XKR6: variants seen among roughly 807,000 people sequenced by gnomAD.
XKR6 encodes the protein XK-related protein 6.
Under a neutral mutation model 56.7 loss-of-function variants are expected in XKR6, and 22 were observed. The ratio of observed to expected loss-of-function variants is 0.39; its 90% CI spans 0.28 to 0.55. The LOEUF (loss-of-function observed/expected upper bound fraction) is 0.55. Ranked by LOEUF, XKR6 falls within the 20% of genes least tolerant of loss-of-function variation. The pLI, the probability that XKR6 is intolerant of heterozygous loss-of-function variation, is 0.66. For synonymous variants in XKR6, 524 were observed against 387.8 expected (o/e 1.35, Z -4.13); for missense variants, 852 against 889.0 (o/e 0.96, Z 0.53).
rs374088076 is a variant in XKR6, at chr8:11,161,396, T to C, written c.764+39180A>G. Among the ~76,000 whole-genome samples the C allele has an allele frequency of 3.9e-4, 60 of 152,332 alleles. No homozygotes were observed. In the South Asian group the frequency reaches 0.011, roughly 28 times the overall value. On this transcript the variant is annotated intron_variant, in intron 1 of 2. Transcript: ENST00000416569. ...CCTCTCCTCACCTGAACCAGCCTAATTCCCGTCTAGTGCCTTTGCTCATGA... is the reference window on the plus strand; with the variant it reads ...CCTCTCCTCACCTGAACCAGCCTAACTCCCGTCTAGTGCCTTTGCTCATGA...
In XKR6 at chr8:11,138,028, G is replaced by C. The variant is rs1322315820; in HGVS notation, c.764+62548C>G. The stretch of plus-strand genomic sequence containing the variant: ...CCTCGGAAGACATCAGAGCAGAAGG[G>C]TGGGATCCTCCATCGCTGTCTTCAA... On this transcript the variant is annotated intron_variant, in intron 1 of 2. Transcript: ENST00000416569. 1.2e-5 allele frequency: 3 copies of C among 257,308 alleles called. No individual in the cohort carries two copies. In the Admixed American group the frequency reaches 1.5e-4, roughly 13 times the overall value. The allele number at this position is 257,308 out of a possible 1,614,324, so 15.9% of individuals were successfully genotyped here.
intron 1 of XKR6, among the ~76,000 whole-genome samples, chr8:11,051,989 C>T (rs1799561746): frequency 6.6e-6 from 1 of 152,186 alleles, no homozygotes; most frequent in Non-Finnish European, 1.5e-5. Flanking sequence ...TGGTTTGCTG[C>T]ACCTGTTGAT....
At chr8:11,181,575 C>T (rs1281867307) in intron 1 of XKR6, among the ~76,000 whole-genome samples, 2 of 152,084 alleles carry the variant, frequency 1.3e-5, no homozygotes, top group African/African-American at 4.8e-5. Context: ...ATTTTGAACA[C>T]ATAAGCAAGG....
chr8:11,136,436 G>A (rs1246117231), intron 1 of XKR6, among the ~76,000 whole-genome samples: 3 of 151,930 alleles, frequency 2.0e-5, no homozygotes, highest in Non-Finnish European at 4.4e-5. Flanking sequence ...CCCGGGGGGC[G>A]GAGGTTGTGG....
rs139297159 is a variant in XKR6 at position 10,957,648 on chromosome 8, C to A, written c.765-32818G>T. On this transcript the variant is annotated intron_variant, in intron 1 of 2. Coordinates refer to ENST00000416569, the MANE Select transcript of XKR6 (RefSeq NM_173683.4). ...AGATGGAGCTTCCGCCTGCCAAGAGCCGCTGATGCCCAGTCTCACTCTGGG... is the reference window on the plus strand; with the variant it reads ...AGATGGAGCTTCCGCCTGCCAAGAGACGCTGATGCCCAGTCTCACTCTGGG... Among the ~76,000 whole-genome samples, 15 of 152,322 alleles carry A rather than the reference C, an allele frequency of 9.8e-5. No homozygotes were observed. The East Asian group carries it at 2.9e-3, about 29-fold the overall frequency.
At position 11,153,772 on chromosome 8, in the gene XKR6, T is replaced by C. The variant is rs555136867; in HGVS notation, c.764+46804A>G. ...TGCTCAAGCCAAAAGCCTTAAGAGG[T>C]ATCTTGGACTCCTTCCTCTCTCTTT... On this transcript the variant is annotated intron_variant, in intron 1 of 2. Transcript: ENST00000416569. Among the ~76,000 whole-genome samples the C allele has an allele frequency of 7.2e-5, 11 of 152,260 alleles. No individual in the cohort carries two copies. The South Asian group carries it at 1.5e-3, about 20-fold the overall frequency.
intron 1 of XKR6, chr8:11,124,309 T>C (rs901287887): frequency 1.5e-5 from 5 of 336,452 alleles, no homozygotes; most frequent in African/African-American, 1.1e-4. Flanking sequence ...TACCCTTCAT[T>C]TCTACTGGAC....
chr8:11,190,204 A>AAAAGAAAGAAAGAAAGAAAG (rs34031400), intron 1 of XKR6, among the ~76,000 whole-genome samples: 26 of 120,980 alleles, frequency 2.1e-4, no homozygotes, highest in African/African-American at 9.3e-4. Flanking sequence ...AGAAAGAAAG[A>AAAAGAAAGAAAGAAAGAAAG]AAAGAAAGAA....
intron 1 of XKR6, among the ~76,000 whole-genome samples, chr8:11,168,239 T>C (rs2117036712): frequency 6.6e-6 from 1 of 152,316 alleles, no homozygotes; most frequent in East Asian, 1.9e-4. Context: ...ACATTGTACT[T>C]ACTACACAAA....
chr8:11,020,608 C>A (rs571578024), intron 1 of XKR6, among the ~76,000 whole-genome samples: 19 of 152,314 alleles, frequency 1.2e-4, no homozygotes, highest in African/African-American at 4.1e-4. Context: ...AAGAAGGGAA[C>A]ACCCCAGCCC....
chr8:11,045,462 G>A (rs1027123346), intron 1 of XKR6, among the ~76,000 whole-genome samples: 2 of 152,178 alleles, frequency 1.3e-5, no homozygotes, highest in Non-Finnish European at 2.9e-5. Flanking sequence ...GGGAGGATGG[G>A]CAGCTATCAC....
At chr8:10,905,229 C>A (rs1431293125) in intron 2 of XKR6, among the ~76,000 whole-genome samples, 1 of 152,180 alleles carries the variant, frequency 6.6e-6, no homozygotes, top group South Asian at 2.1e-4. Flanking sequence ...ACTCTCCCAC[C>A]ACCTGCTTTC....
In XKR6 at chr8:11,007,882, A is replaced by C. The variant is rs901653731; in HGVS notation, c.765-83052T>G. On this transcript the variant is annotated intron_variant, in intron 1 of 2. Transcript: ENST00000416569. ...TAAAATTCGGGAGTGCACAACAAGC[A>C]GGCAGGGAGCTTGAGCCCTTGGAAG... 7.2e-5 allele frequency among the ~76,000 whole-genome samples: 11 copies of C among 152,120 alleles called. 2 individuals are homozygous for C. The highest frequency in any genetic ancestry group is 7.2e-4 in the Admixed American group (11 of 15,270).
chr8:11,036,887 C>CGTGCCCCATCCTAGGCA (rs1408550803), intron 1 of XKR6, among the ~76,000 whole-genome samples: 1 of 152,192 alleles, frequency 6.6e-6, no homozygotes, highest in Non-Finnish European at 1.5e-5. Flanking sequence ...CAGGGTGGGG[C>CGTGCCCCATCCTAGGCA]GTGCCCCATC....
At chr8:11,169,223 T>C (rs1802242304) in intron 1 of XKR6, among the ~76,000 whole-genome samples, 1 of 152,310 alleles carries the variant, frequency 6.6e-6, no homozygotes, top group Middle Eastern at 3.4e-3. Flanking sequence ...CTTCTTTTGC[T>C]TATTAAACTT....
intron 1 of XKR6, among the ~76,000 whole-genome samples, chr8:11,097,583 G>C (rs773615272): frequency 6.6e-6 from 1 of 151,690 alleles, no homozygotes; most frequent in Non-Finnish European, 1.5e-5. Context: ...CGGGGTGGGC[G>C]TATCAACCGA....
At chr8:11,163,810 G>C (rs1256156278) in intron 1 of XKR6, among the ~76,000 whole-genome samples, 1 of 152,116 alleles carries the variant, frequency 6.6e-6, no homozygotes, top group East Asian at 1.9e-4. Context: ...AAAGAGAGTA[G>C]AGTAGCTTGT....
chr8:10,901,287 C>G (rs1800030143), intron 2 of XKR6, among the ~76,000 whole-genome samples: 1 of 152,084 alleles, frequency 6.6e-6, no homozygotes, highest in Non-Finnish European at 1.5e-5. Context: ...AACTCCTGAC[C>G]TCAAGTGATC....
intron 1 of XKR6, among the ~76,000 whole-genome samples, chr8:11,086,158 A>T (rs13259212): frequency 0.32 from 40,685 of 127,522 alleles, 6,185 homozygotes; most frequent in African/African-American, 0.46. Context: ...ATTTTTTTTT[A>T]AAAAAAACAA....
Sources: gnomAD v4.1 joint callset for allele counts (sites outside exome capture counted in the v4.1 genomes callset) on GRCh38, gnomAD v4.1.1 for gene constraint, MANE v1.5 for transcripts, NCBI Gene and HGNC (gene_info 2026-07-23, HGNC 2026-07-21) for gene names.